Variants in WWOX observed in about 807,000 individuals in gnomAD.
WWOX encodes the protein WW domain containing oxidoreductase.
A neutral mutation model predicts 46.2 loss-of-function variants in WWOX; 69 were observed. The ratio of observed to expected loss-of-function variants is 1.49; its 90% CI spans 1.23 to 1.82. WWOX has a LOEUF of 1.82. Ranked by LOEUF, WWOX falls within the 40% of genes most tolerant of loss-of-function variation. The pLI is 0.00. For synonymous variants in WWOX, 359 were observed against 202.6 expected, an observed-to-expected ratio of 1.77 and a Z score of -6.56; for missense variants, 919 against 542.6, an observed-to-expected ratio of 1.69 and a Z score of -6.89.
intron 8 of WWOX, among the ~76,000 whole-genome samples, chr16:79,133,926 A>G (rs2049932474): frequency 6.6e-6 from 1 of 152,206 alleles, no homozygotes; most frequent in African/African-American, 2.4e-5. Context: ...AGAGATTAAT[A>G]TAATACTCAG....
In WWOX at chr16:78,640,230, T is replaced by G. The variant is rs1175260346; in HGVS notation, c.1056+207478T>G. ...GTGTTTTCTTCTTGTTGTTGGGTTT[T>G]TTTTTTTTTTTTTTTTTTTTTTTTG... is the stretch of plus-strand genomic sequence containing the variant. On this transcript the variant is annotated intron_variant, in intron 8 of 8. Transcript: ENST00000566780. 2.1e-4 allele frequency among the ~76,000 whole-genome samples: 15 copies of G among 70,452 alleles called. 1 individual carries two copies. Among genetic ancestry groups the G allele is most frequent in the Non-Finnish European group, 3.0e-4 (12 of 39,588 alleles). The allele number at this position is 70,452 out of a possible 152,430, so 46.2% of individuals were successfully genotyped here.
intron 8 of WWOX, among the ~76,000 whole-genome samples, chr16:79,009,457 G>T (rs2047259461): frequency 6.6e-6 from 1 of 152,032 alleles, no homozygotes; most frequent in African/African-American, 2.4e-5. Flanking sequence ...GACTTTAGAG[G>T]CCCATCATCA....
At chr16:78,382,629 G>C (rs1208514814) in intron 5 of WWOX, among the ~76,000 whole-genome samples, 2 of 152,182 alleles carry the variant, frequency 1.3e-5, no homozygotes, top group South Asian at 2.1e-4. Flanking sequence ...GAAGAGAGCA[G>C]GCTCTGACTG....
chr16:78,737,011 G>A (rs1440232282), intron 8 of WWOX, among the ~76,000 whole-genome samples: 1 of 152,124 alleles, frequency 6.6e-6, no homozygotes, highest in Admixed American at 6.5e-5. Context: ...GCAGAGTGAT[G>A]AGTGGGGCCC....
intron 8 of WWOX, among the ~76,000 whole-genome samples, chr16:78,734,726 G>C (rs2049044638): frequency 6.6e-6 from 1 of 150,822 alleles, no homozygotes; most frequent in Non-Finnish European, 1.5e-5. Context: ...ACAGCAGATT[G>C]TTCTCAAGTG....
intron 5 of WWOX, among the ~76,000 whole-genome samples, chr16:78,277,458 T>C (rs1364909126): frequency 6.6e-6 from 1 of 152,102 alleles, no homozygotes; most frequent in Non-Finnish European, 1.5e-5. Context: ...AGTTCTCAAT[T>C]TGGAGCTCAT....
At chr16:78,665,480 C>T (rs1057420577) in intron 8 of WWOX, among the ~76,000 whole-genome samples, 11 of 152,058 alleles carry the variant, frequency 7.2e-5, no homozygotes, top group African/African-American at 2.4e-4. Flanking sequence ...TTTGCTGTGG[C>T]GAGTGGAATC....
At chr16:78,665,563 T>A (rs550479937) in intron 8 of WWOX, among the ~76,000 whole-genome samples, 174 of 152,214 alleles carry the variant, frequency 1.1e-3, no homozygotes, top group African/African-American at 4.1e-3. Context: ...CATAATCTCC[T>A]TTCCCTCTAC....
chr16:78,390,456 C>G (rs767624000), intron 6 of WWOX, among the ~76,000 whole-genome samples: 4 of 152,152 alleles, frequency 2.6e-5, no homozygotes, highest in Non-Finnish European at 5.9e-5. Flanking sequence ...GAAAGTACTT[C>G]TAGGTTGAGA....
At chr16:79,071,522 C>T (rs1001278691) in intron 8 of WWOX, among the ~76,000 whole-genome samples, 1 of 152,186 alleles carries the variant, frequency 6.6e-6, no homozygotes. Flanking sequence ...ATTGCTTCAA[C>T]TCTCCTTGTC....
chr16:78,121,447 A>G (rs950410339), intron 4 of WWOX, among the ~76,000 whole-genome samples: 38 of 152,310 alleles, frequency 2.5e-4, no homozygotes, highest in African/African-American at 9.1e-4. Flanking sequence ...CTGAGATATT[A>G]TTGGACATTG....
intron 8 of WWOX, among the ~76,000 whole-genome samples, chr16:79,021,571 A>C (rs925761586): frequency 6.6e-6 from 1 of 152,192 alleles, no homozygotes; most frequent in African/African-American, 2.4e-5. Flanking sequence ...CTAATTATCA[A>C]AACAGTGGGT....
chr16:78,525,330 C>G (rs1014648753), intron 8 of WWOX: 35 of 151,962 alleles, frequency 2.3e-4, no homozygotes, highest in Admixed American at 2.3e-3. Context: ...GGACTGCAGG[C>G]GCCAGCCACC....
chr16:78,944,765 C>CTAAG (rs2045918096), intron 8 of WWOX, among the ~76,000 whole-genome samples: 1 of 152,204 alleles, frequency 6.6e-6, no homozygotes, highest in Admixed American at 6.5e-5. Flanking sequence ...CTTAGCCCAT[C>CTAAG]TAAGTAAGTG....
chr16:79,041,471 C>T (rs559348339), intron 8 of WWOX, among the ~76,000 whole-genome samples: 19 of 152,292 alleles, frequency 1.2e-4, no homozygotes, highest in African/African-American at 4.6e-4. Flanking sequence ...TCCAGTTTCT[C>T]ATTAGGAACC....
chr16:78,103,911 A>C (rs2031965062), intron 1 of WWOX, among the ~76,000 whole-genome samples: 1 of 151,820 alleles, frequency 6.6e-6, no homozygotes, highest in African/African-American at 2.4e-5. Flanking sequence ...TGTGCCTCAA[A>C]GGCACACATG....
chr16:79,090,592 T>C (rs2048939873), intron 8 of WWOX, among the ~76,000 whole-genome samples: 3 of 152,096 alleles, frequency 2.0e-5, no homozygotes, highest in African/African-American at 7.2e-5. Flanking sequence ...AGGAAGACGA[T>C]GCTGTATGGC....
At chr16:78,919,038 C>T (rs532990779) in intron 8 of WWOX, among the ~76,000 whole-genome samples, 1 of 152,086 alleles carries the variant, frequency 6.6e-6, no homozygotes, top group African/African-American at 2.4e-5. Context: ...TCGTTAAGTT[C>T]AGTCATAGCA....
intron 4 of WWOX, among the ~76,000 whole-genome samples, chr16:78,148,889 CTCCG>C: frequency 1.0e-5 from 1 of 95,396 alleles, no homozygotes; most frequent in Middle Eastern, 0.011. Flanking sequence ...CAGAGCAAGA[CTCCG>C]TCTCAAAAAA....
Sources: gnomAD v4.1 joint callset for allele counts (sites outside exome capture counted in the v4.1 genomes callset) on GRCh38, gnomAD v4.1.1 for gene constraint, MANE v1.5 for transcripts, NCBI Gene and HGNC (gene_info 2026-07-23, HGNC 2026-07-21) for gene names.